Variants in PHACTR1 observed in about 807,000 individuals in gnomAD.
PHACTR1 encodes the protein RPEL repeat containing 1.
A neutral mutation model predicts 69.2 loss-of-function variants in PHACTR1; 16 were observed. The ratio of observed to expected loss-of-function variants is 0.23; its 90% CI spans 0.16 to 0.35. The LOEUF (loss-of-function observed/expected upper bound fraction) is 0.35. Among genes scored for constraint, PHACTR1 ranks in the 10% least tolerant of loss-of-function variants. The probability of loss-of-function intolerance (pLI) is 1.00; values close to 1 mark genes in which losing one functional copy is unlikely to be tolerated. For synonymous variants in PHACTR1, 312 were observed against 284.5 expected (o/e 1.10, Z -0.97); for missense variants, 510 against 734.7 (o/e 0.69, Z 3.54).
rs536552928 is a variant in PHACTR1, at chr6:12,847,096, C to T, written c.250+97306C>T. ...CCTCCCAAAGGGCTGGGATTATAGG[C>T]GTGAGCCACTGCGCCCAGCAGCAAC... On this transcript the variant is annotated intron_variant, in intron 4 of 14. Transcript: ENST00000332995. 2.0e-5 allele frequency among the ~76,000 whole-genome samples: 3 copies of T among 152,188 alleles called. No individual in the cohort carries two copies. The South Asian group carries it at 6.2e-4, about 32-fold the overall frequency.
intron 5 of PHACTR1, among the ~76,000 whole-genome samples, chr6:13,076,850 G>A (rs1810556207): frequency 6.6e-6 from 1 of 150,788 alleles, no homozygotes; most frequent in Non-Finnish European, 1.5e-5. Context: ...TGCCAAAAGA[G>A]CAGATTAGTT....
intron 4 of PHACTR1, among the ~76,000 whole-genome samples, chr6:12,776,762 A>C (rs1273078420): frequency 6.6e-6 from 1 of 152,230 alleles, no homozygotes; most frequent in Non-Finnish European, 1.5e-5. Context: ...CTAGTTATGT[A>C]ACCAAATGGA....
rs745740750 is a variant in PHACTR1 at position 13,246,205 on chromosome 6, T to C, written c.1391+16012T>C. Among the ~76,000 whole-genome samples the C allele has an allele frequency of 5.3e-5, 8 of 152,212 alleles. No homozygotes were observed. The highest frequency in any genetic ancestry group is 2.1e-4 in the South Asian group (1 of 4,836). On this transcript the variant is annotated intron_variant, in intron 10 of 14. Coordinates refer to ENST00000332995, the MANE Select transcript of PHACTR1 (RefSeq NM_030948.6). The surrounding 1 kb of genome is among the most constrained non-coding windows in gnomAD (Gnocchi z 4.2). Reference sequence around the variant, plus strand: ...AACCATAACAACTCATATATCTTCGTTGATTTTCTCAAAAGAAAAATAAAT... The same window carrying C: ...AACCATAACAACTCATATATCTTCGCTGATTTTCTCAAAAGAAAAATAAAT...
At chr6:12,975,380 G>A (rs1300794174) in intron 4 of PHACTR1, among the ~76,000 whole-genome samples, 3 of 152,126 alleles carry the variant, frequency 2.0e-5, no homozygotes, top group Non-Finnish European at 2.9e-5. Context: ...AATTATGGCT[G>A]CTCTGTATTA....
In PHACTR1 at chr6:13,126,517, C is replaced by G. The variant is rs555085940; in HGVS notation, c.416-33687C>G. Among the ~76,000 whole-genome samples the G allele has an allele frequency of 1.6e-4, 24 of 152,290 alleles. 1 individual carries two copies. In the South Asian group the frequency reaches 4.6e-3, roughly 29 times the overall value. On this transcript the variant is annotated intron_variant, in intron 5 of 14. Coordinates refer to ENST00000332995, the MANE Select transcript of PHACTR1 (RefSeq NM_030948.6). The stretch of plus-strand genomic sequence containing the variant: ...CCACTGAAGAATGGCCTTGAACAAG[C>G]CTCTTAGCCCTAGAACCAAAAAGGC...
At chr6:12,950,638 T>C (rs1791178320) in intron 4 of PHACTR1, among the ~76,000 whole-genome samples, 1 of 152,212 alleles carries the variant, frequency 6.6e-6, no homozygotes, top group Non-Finnish European at 1.5e-5. Flanking sequence ...AAAAGGGGCA[T>C]TGTTGTCCTT....
Position 13,179,180 on chromosome 6 carries a change from G to A in PHACTR1, c.497-3339G>A, listed in dbSNP as rs1310052853. 6.6e-6 allele frequency among the ~76,000 whole-genome samples: 1 copy of A among 152,120 alleles called. No individual in the cohort carries two copies. The highest frequency in any genetic ancestry group is 2.4e-5 in the African/African-American group (1 of 41,412). ...GAGCCTGGGAGATGGAAGCTGCAGT[G>A]AGCCATGTTCATGCCACTGCACTCC... On this transcript the variant is annotated intron_variant, in intron 6 of 14. Coordinates refer to ENST00000332995, the MANE Select transcript of PHACTR1 (RefSeq NM_030948.6). This position sits in a 1 kb window ranked among gnomAD's most constrained non-coding sequence, Gnocchi z 4.2.
At chr6:12,781,445 T>C (rs1441646769) in intron 4 of PHACTR1, among the ~76,000 whole-genome samples, 1 of 152,246 alleles carries the variant, frequency 6.6e-6, no homozygotes, top group African/African-American at 2.4e-5. Context: ...AAGTGTTTGC[T>C]GCCCTCAAAT....
intron 10 of PHACTR1, among the ~76,000 whole-genome samples, chr6:13,258,226 C>T (rs371122): frequency 0.53 from 81,038 of 151,638 alleles, 24,710 homozygotes; most frequent in Non-Finnish European, 0.68. Flanking sequence ...GGCATGGTGG[C>T]GCGTGCCTGT....
intron 4 of PHACTR1, among the ~76,000 whole-genome samples, chr6:13,030,586 C>G (rs1304039840): frequency 6.6e-6 from 1 of 152,176 alleles, no homozygotes; most frequent in African/African-American, 2.4e-5. Flanking sequence ...GAAGTAGAAT[C>G]CATTGCTCAT....
chr6:13,049,915 A>G (rs1344031159), intron 4 of PHACTR1, among the ~76,000 whole-genome samples: 3 of 152,180 alleles, frequency 2.0e-5, no homozygotes, highest in African/African-American at 7.2e-5. Flanking sequence ...AAGGCAGGAG[A>G]GTAAGTCTGG....
intron 4 of PHACTR1, among the ~76,000 whole-genome samples, chr6:12,826,381 A>G: frequency 6.6e-6 from 1 of 152,236 alleles, no homozygotes; most frequent in South Asian, 2.1e-4. Flanking sequence ...AGATGCGGTT[A>G]CATAATTGGC....
intron 4 of PHACTR1, among the ~76,000 whole-genome samples, chr6:12,791,198 C>T (rs1372454541): frequency 6.6e-6 from 1 of 152,140 alleles, no homozygotes; most frequent in Admixed American, 6.5e-5. Context: ...CTTCCGTCTG[C>T]AGAAGGAGAA....
intron 4 of PHACTR1, among the ~76,000 whole-genome samples, chr6:12,949,540 T>C (rs1160579024): frequency 6.6e-6 from 1 of 152,144 alleles, no homozygotes; most frequent in Non-Finnish European, 1.5e-5. Flanking sequence ...TGGAGGCAAC[T>C]GTGGTATAGA....
At chr6:13,077,250 C>G (rs906094113) in intron 5 of PHACTR1, among the ~76,000 whole-genome samples, 4 of 151,674 alleles carry the variant, frequency 2.6e-5, no homozygotes, top group Admixed American at 2.6e-4. Context: ...AATTCTCCCT[C>G]TAGCCCAATG....
intron 4 of PHACTR1, among the ~76,000 whole-genome samples, chr6:13,001,852 G>A (rs1042591276): frequency 3.9e-5 from 6 of 152,182 alleles, no homozygotes; most frequent in Non-Finnish European, 5.9e-5. Context: ...AATTTCTAAG[G>A]CTGTCATCAC....
chr6:13,265,908 G>A (rs1402693788), intron 10 of PHACTR1, among the ~76,000 whole-genome samples: 2 of 152,010 alleles, frequency 1.3e-5, no homozygotes, highest in Non-Finnish European at 2.9e-5. Flanking sequence ...CATACTCATG[G>A]CTTCAAATAT....
At chr6:13,017,287 C>T (rs1800335239) in intron 4 of PHACTR1, among the ~76,000 whole-genome samples, 1 of 151,618 alleles carries the variant, frequency 6.6e-6, no homozygotes, top group African/African-American at 2.4e-5. Flanking sequence ...ATCTCTGCCA[C>T]CTACACTGAA....
At chr6:12,911,568 G>A (rs1173440856) in intron 4 of PHACTR1, among the ~76,000 whole-genome samples, 1 of 152,070 alleles carries the variant, frequency 6.6e-6, no homozygotes, top group African/African-American at 2.4e-5. Context: ...GGCAACATAT[G>A]TTAAATAATA....
Sources: allele counts gnomAD v4.1 joint callset (sites outside exome capture counted in the v4.1 genomes callset), GRCh38; gene constraint gnomAD v4.1.1; non-coding constraint Gnocchi (gnomAD v3.1); transcripts MANE v1.5; gene names NCBI Gene and HGNC (gene_info 2026-07-23, HGNC 2026-07-21).